AQP5: variants seen among roughly 807,000 people sequenced by gnomAD.
AQP5 encodes aquaporin 5.
A neutral mutation model predicts 19.1 loss-of-function variants in AQP5; 15 were observed. The observed-to-expected ratio is 0.79, with a 90% confidence interval of 0.53 to 1.21. The LOEUF (loss-of-function observed/expected upper bound fraction) is 1.21, where lower values mean the gene tolerates loss of function less well. Among genes scored for constraint, AQP5 ranks in the 50% most tolerant of loss-of-function variants. The probability of loss-of-function intolerance (pLI) is 0.00; values close to 1 mark genes in which losing one functional copy is unlikely to be tolerated. For synonymous variants in AQP5, 182 were observed against 160.3 expected (o/e 1.14, Z -1.02); for missense variants, 355 against 357.1 (o/e 0.99, Z 0.05).
chr12:49,965,488 A>C lies in AQP5; in HGVS notation c.*311A>C. 1 of 227,950 alleles carries C rather than the reference A, an allele frequency of 4.4e-6. No individual in the cohort carries two copies. The highest frequency in any genetic ancestry group is 5.3e-5 in the Admixed American group (1 of 18,836). The allele number at this position is 227,950 out of a possible 1,614,324, so 14.1% of individuals were successfully genotyped here. ...GGCGGGCCTGCAGCCTGCACCCCCC[A>C]CCTTCCCCAACCCTTCCTCAAGAGC... On this transcript the variant is annotated 3_prime_UTR_variant, in exon 4 of 4. Coordinates refer to ENST00000293599, the MANE Select transcript of AQP5 (RefSeq NM_001651.4).
rs148637740 is a variant in AQP5 at position 49,965,083 on chromosome 12, G to A, written c.704G>A (p.Arg235His). The A allele has an allele frequency of 2.5e-4, 397 of 1,614,076 alleles. No individual in the cohort carries two copies. Among genetic ancestry groups the A allele is most frequent in the Middle Eastern group, 2.1e-3 (13 of 6,062 alleles). The change falls in exon 4 of 4, where the codon CGT (arginine) becomes CAT (histidine). Residue 235 changes from arginine (R) to histidine (H), a missense_variant. By Grantham distance (29) the Arg-to-His change is conservative. Coordinates refer to ENST00000293599, the MANE Select transcript of AQP5 (RefSeq NM_001651.4). ...CCCAACTCCCTGAGCCTGAGTGAGC[G>A]TGTGGCCATCATCAAAGGCACGTAT... ...LFPNSLSLSE[R>H]VAIIKGTYEP...
rs191664431 is a variant in AQP5 at position 49,964,178 on chromosome 12, G to T, written c.612+3G>T. ...ATCGGTTCAGCCCCGCTCACTGGGT[G>T]AGTCTGTCCCTTCCCCTGGCTCCCT... On this transcript the variant is annotated splice_donor_region_variant and intron_variant, in intron 3 of 3. Transcript: ENST00000293599. 3.7e-6 allele frequency: 6 copies of T among 1,613,860 alleles called. No individual in the cohort carries two copies. Among genetic ancestry groups the T allele is most frequent in the Admixed American group, 3.3e-5 (2 of 60,022 alleles).
rs1411387637 is a variant in AQP5, at chr12:49,962,236, C to T, written c.219C>T (p.Thr73=). The change falls in exon 1 of 4, where the codon ACC becomes ACT. Residue 73 remains threonine (T), a synonymous_variant. Coordinates refer to ENST00000293599, the MANE Select transcript of AQP5 (RefSeq NM_001651.4). Reference sequence around the variant, plus strand: ...GCGGCCACATCAACCCCGCCATCACCCTGGCCCTCTTGGTGGGCAACCAGA... The same window carrying T: ...GCGGCCACATCAACCCCGCCATCACTCTGGCCCTCTTGGTGGGCAACCAGA... ...VSGGHINPAI[T]LALLVGNQIS... The T allele has an allele frequency of 6.2e-6, 10 of 1,606,580 alleles. No individual in the cohort carries two copies. Among genetic ancestry groups the T allele is most frequent in the South Asian group, 1.1e-5 (1 of 91,072 alleles).
rs1444827221 is a variant in AQP5 at position 49,963,767 on chromosome 12, G to T, written c.528+111G>T. ...GATGGATGAGTCCAGCAGAGTTTAA[G>T]GCCTGGATTTAGGGCTCCTGGACTC... On this transcript the variant is annotated intron_variant, in intron 2 of 3. Coordinates refer to ENST00000293599, the MANE Select transcript of AQP5 (RefSeq NM_001651.4). 2.9e-6 allele frequency: 4 copies of T among 1,393,438 alleles called. No individual in the cohort carries two copies. The African/African-American group carries it at 5.8e-5, about 20-fold the overall frequency. The allele number at this position is 1,393,438 out of a possible 1,614,324, so 86.3% of individuals were successfully genotyped here. A position where few individuals can be genotyped will look rare whatever the true frequency, so the allele number is the denominator to read the frequency against.
chr12:49,962,395 G>A lies in AQP5; in HGVS notation c.363+15G>A, dbSNP rs1017623344. ...CCGTCAACGCGGTGAGTGCCCTGGG[G>A]GGGGGGTGGGAGCCTCGACCCTGGG... On this transcript the variant is annotated intron_variant, in intron 1 of 3. Coordinates refer to ENST00000293599, the MANE Select transcript of AQP5 (RefSeq NM_001651.4). The A allele has an allele frequency of 5.0e-6, 7 of 1,388,228 alleles. No homozygotes were observed. In the African/African-American group the frequency reaches 1.2e-4, roughly 24 times the overall value. 86.0% of individuals were successfully genotyped at this position (1,388,228 alleles called of 1,614,324 possible).
chr12:49,961,914 C>T lies in AQP5; in HGVS notation c.-104C>T, dbSNP rs1381994778. ...GTGGGCGCGGGACAGTGCGCGGCGC[C>T]CCGCAGCCAGGCCCCCGCCCCCGCC... On this transcript the variant is annotated 5_prime_UTR_variant, in exon 1 of 4. Transcript: ENST00000293599. 3 of 659,384 alleles carry T rather than the reference C, an allele frequency of 4.5e-6. No individual in the cohort carries two copies. Among genetic ancestry groups the T allele is most frequent in the Non-Finnish European group, 6.0e-6 (3 of 501,356 alleles). 40.8% of individuals were successfully genotyped at this position (659,384 alleles called of 1,614,324 possible).
At chr12:49,964,740 G>A (rs1947470684) in intron 3 of AQP5, 1 of 985,374 alleles carries the variant, frequency 1.0e-6, no homozygotes, top group Non-Finnish European at 1.2e-6. Flanking sequence ...TGGTTGGAGG[G>A]AGCCTGTCCC....
chr12:49,964,212 G>A (rs1241545172), intron 3 of AQP5, 37 bp downstream of exon 3: 2 of 1,595,800 alleles, frequency 1.3e-6, no homozygotes, highest in Admixed American at 3.3e-5. Context: ...CTGGAGATGA[G>A]GGCCTGGAGA....
rs906813010 is a variant in AQP5, at chr12:49,965,206, G to A, written c.*29G>A. 20 of 1,559,852 alleles carry A rather than the reference G, an allele frequency of 1.3e-5. No individual in the cohort carries two copies. In the Admixed American group the frequency reaches 2.4e-4, roughly 19 times the overall value. On this transcript the variant is annotated 3_prime_UTR_variant, in exon 4 of 4. Coordinates refer to ENST00000293599, the MANE Select transcript of AQP5 (RefSeq NM_001651.4). ...GTGTCAGGCAGGGGCCAGCCCCTCA[G>A]CCCCTGAGCCAAGGGGGAAAAGAAG...
At chr12:49,964,649 AG>A (rs1289924054) in intron 3 of AQP5, 56 of 984,688 alleles carry the variant, frequency 5.7e-5, no homozygotes, top group South Asian at 1.4e-4. Flanking sequence ...CCCTGCGTGG[AG>A]GGGACACGCG....
intron 3 of AQP5, chr12:49,964,625 G>C (rs1042499059): frequency 1.0e-6 from 1 of 984,870 alleles, no homozygotes; most frequent in African/African-American, 1.8e-5. Flanking sequence ...ACTCTCTCCA[G>C]GGTCTGCTTC....
chr12:49,962,791 C>G (rs1180177694), intron 1 of AQP5: 1 of 180,736 alleles, frequency 5.5e-6, no homozygotes, highest in East Asian at 1.5e-4. Flanking sequence ...CCTGTCTGTG[C>G]TTCATTGTTC....
chr12:49,963,671 C>G lies in AQP5; in HGVS notation c.528+15C>G. The G allele has an allele frequency of 6.2e-7, 1 of 1,609,866 alleles. No individual in the cohort carries two copies. The highest frequency in any genetic ancestry group is 8.5e-7 in the Non-Finnish European group (1 of 1,177,520). On this transcript the variant is annotated intron_variant, in intron 2 of 3. Coordinates refer to ENST00000293599, the MANE Select transcript of AQP5 (RefSeq NM_001651.4). ...ACCTTGTCGGAGTGAGCAGTACCGA[C>G]ATTGGGCTGGGGTGAGGGTGGGGCA...
At position 49,965,101 on chromosome 12, in the gene AQP5, G is replaced by T. The variant is rs374603563; in HGVS notation, c.722G>T (p.Gly241Val). The T allele has an allele frequency of 3.2e-5, 51 of 1,613,914 alleles. No homozygotes were observed. In the Admixed American group the frequency reaches 8.2e-4, roughly 26 times the overall value. ...AGTGAGCGTGTGGCCATCATCAAAG[G>T]CACGTATGAGCCTGACGAGGACTGG... ...SLSERVAIIK[G>V]TYEPDEDWEE... The change falls in exon 4 of 4, where the codon GGC (glycine) becomes GTC (valine). Residue 241 changes from glycine (G) to valine (V), a missense_variant. Transcript: ENST00000293599.
chr12:49,963,796 C>G, intron 2 of AQP5, 140 bp downstream of exon 2: 2 of 1,205,862 alleles, frequency 1.7e-6, no homozygotes, highest in Non-Finnish European at 2.3e-6. Flanking sequence ...TGGACTCTGG[C>G]CCTACTGGGC....
rs941403449 is a variant in AQP5, at chr12:49,965,497, A to G, written c.*320A>G. On this transcript the variant is annotated 3_prime_UTR_variant, in exon 4 of 4. Coordinates refer to ENST00000293599, the MANE Select transcript of AQP5 (RefSeq NM_001651.4). The stretch of plus-strand genomic sequence containing the variant: ...GCAGCCTGCACCCCCCACCTTCCCC[A>G]ACCCTTCCTCAAGAGCTGAAGGGAT... 15 of 223,300 alleles carry G rather than the reference A, an allele frequency of 6.7e-5. No individual in the cohort carries two copies. The highest frequency in any genetic ancestry group is 2.9e-4 in the African/African-American group (13 of 44,120). 13.8% of individuals were successfully genotyped at this position (223,300 alleles called of 1,614,324 possible). A position where few individuals can be genotyped will look rare whatever the true frequency, so the allele number is the denominator to read the frequency against.
In AQP5 at chr12:49,962,377, CGCGGT is replaced by C; in HGVS notation, c.362_363+3del. The C allele has an allele frequency of 6.6e-7, 1 of 1,523,282 alleles. No homozygotes were observed. Among genetic ancestry groups the C allele is most frequent in the East Asian group, 2.6e-5 (1 of 38,300 alleles). The allele number at this position is 1,523,282 out of a possible 1,614,324, so 94.4% of individuals were successfully genotyped here. ...ATGCCCGGGGCAATCTGGCCGTCAA[CGCGGT>C]GAGTGCCCTGGGGGGGGGGTGGGAG... On this transcript the variant is annotated splice_donor_variant and coding_sequence_variant, in exon 1 of 4. Transcript: ENST00000293599. LOFTEE classifies it high-confidence loss of function.
chr12:49,965,397 G>A lies in AQP5; in HGVS notation c.*220G>A. On this transcript the variant is annotated 3_prime_UTR_variant, in exon 4 of 4. Coordinates refer to ENST00000293599, the MANE Select transcript of AQP5 (RefSeq NM_001651.4). ...GGTCTGCTGGGGACAGGTCTCTCTG[G>A]GACAGACCTCAGAGATTGTGAATGC... The A allele has an allele frequency of 2.0e-6, 1 of 499,516 alleles. No homozygotes were observed. 30.9% of individuals were successfully genotyped at this position (499,516 alleles called of 1,614,324 possible).
At chr12:49,962,496 C>CCAGGAAGGCAAGAGCCTCCCAAGGA in intron 1 of AQP5, 116 bp downstream of exon 1, 3 of 1,430,060 alleles carry the variant, frequency 2.1e-6, no homozygotes, top group Non-Finnish European at 1.8e-6. Context: ...ACACCCTTCA[C>CCAGGAAGGCAAGAGCCTCCCAAGGA]CAGGAAGGCA....
Sources: allele counts gnomAD v4.1 joint callset, GRCh38; gene constraint gnomAD v4.1.1; transcripts MANE v1.5; gene names NCBI Gene and HGNC (gene_info 2026-07-23, HGNC 2026-07-21).